CTNNA3: variants seen among roughly 807,000 people sequenced by gnomAD.
CTNNA3 encodes catenin alpha 3, also known as catenin alpha-3.
A neutral mutation model predicts 95.7 loss-of-function variants in CTNNA3; 76 were observed. The observed-to-expected ratio is 0.79, with a 90% CI of 0.66 to 0.96. CTNNA3 has a LOEUF of 0.96. Ranked by LOEUF, CTNNA3 falls within the 40% of genes least tolerant of loss-of-function variation. The pLI is 0.00. For missense variants in CTNNA3, 1,191 were observed against 1,089.8 expected, an observed-to-expected ratio of 1.09 and a Z score of -1.31; for synonymous variants, 431 against 374.4, an observed-to-expected ratio of 1.15 and a Z score of -1.74.
intron 7 of CTNNA3, among the ~76,000 whole-genome samples, chr10:67,145,693 T>A (rs1290602889): frequency 6.6e-6 from 1 of 152,122 alleles, no homozygotes; most frequent in African/African-American, 2.4e-5. Flanking sequence ...CCTCCCAAAG[T>A]GCTGGGATTA....
intron 9 of CTNNA3, among the ~76,000 whole-genome samples, chr10:66,688,404 C>T (rs139392901): frequency 1.4e-3 from 219 of 152,164 alleles, no homozygotes; most frequent in African/African-American, 4.9e-3. Context: ...TTCATCCCAC[C>T]GGATTTTTGC....
intron 7 of CTNNA3, among the ~76,000 whole-genome samples, chr10:67,069,104 A>G (rs1274906382): frequency 2.6e-5 from 4 of 152,038 alleles, no homozygotes; most frequent in Non-Finnish European, 5.9e-5. Context: ...AAGAAAAAGA[A>G]GAAGACAAAA....
chr10:66,844,717 A>G (rs912795005), intron 7 of CTNNA3, among the ~76,000 whole-genome samples: 5 of 152,138 alleles, frequency 3.3e-5, no homozygotes, highest in Admixed American at 6.5e-5. Flanking sequence ...GTTTCTTTTC[A>G]TTACATTACA....
intron 15 of CTNNA3, among the ~76,000 whole-genome samples, chr10:66,030,506 T>C (rs2079429820): frequency 6.6e-6 from 1 of 152,168 alleles, no homozygotes; most frequent in Admixed American, 6.5e-5. Flanking sequence ...TCTATCCGTA[T>C]ACAGAAGAAT....
At chr10:66,913,776 C>T (rs1335560550) in intron 7 of CTNNA3, among the ~76,000 whole-genome samples, 1 of 152,114 alleles carries the variant, frequency 6.6e-6, no homozygotes, top group African/African-American at 2.4e-5. Context: ...GTCTTTACCC[C>T]AAGCAATCAA....
intron 11 of CTNNA3, among the ~76,000 whole-genome samples, chr10:66,505,870 T>C (rs1253566682): frequency 6.6e-6 from 1 of 152,198 alleles, no homozygotes; most frequent in African/African-American, 2.4e-5. Flanking sequence ...ATTTAAAATT[T>C]CAGATGGCTT....
chr10:65,936,528 A>T (rs1170688075), intron 17 of CTNNA3, among the ~76,000 whole-genome samples: 1 of 152,076 alleles, frequency 6.6e-6, no homozygotes, highest in African/African-American at 2.4e-5. Flanking sequence ...TCATACGCTG[A>T]AGAATTCCAC....
intron 7 of CTNNA3, among the ~76,000 whole-genome samples, chr10:67,171,092 C>A (rs972478302): frequency 1.3e-5 from 2 of 152,132 alleles, no homozygotes; most frequent in African/African-American, 4.8e-5. Flanking sequence ...ATTTGGCTCA[C>A]ATATTATTGT....
intron 13 of CTNNA3, among the ~76,000 whole-genome samples, chr10:66,194,924 T>C (rs1193161295): frequency 6.6e-6 from 1 of 152,198 alleles, no homozygotes; most frequent in East Asian, 1.9e-4. Context: ...ATGCAATCAA[T>C]GCAAAGGAAT....
In CTNNA3 at chr10:66,348,896, G is replaced by A. The variant is rs138569708; in HGVS notation, c.1732+30256C>T. Reference sequence around the variant, plus strand: ...TTCTACTGGTACCAGGGGATTTATGGTTTAGGCATAAGATTTAGGCTTGCA... The same window carrying A: ...TTCTACTGGTACCAGGGGATTTATGATTTAGGCATAAGATTTAGGCTTGCA... On this transcript the variant is annotated intron_variant, in intron 12 of 17. Coordinates refer to ENST00000433211, the MANE Select transcript of CTNNA3 (RefSeq NM_013266.4). 9.7e-4 allele frequency among the ~76,000 whole-genome samples: 147 copies of A among 152,146 alleles called. 1 individual carries two copies. The highest frequency in any genetic ancestry group is 3.1e-3 in the African/African-American group (129 of 41,540).
chr10:67,476,918 C>T (rs1439607662), intron 5 of CTNNA3, among the ~76,000 whole-genome samples: 2 of 151,856 alleles, frequency 1.3e-5, no homozygotes, highest in Admixed American at 1.3e-4. Context: ...ATTCAGAGTA[C>T]CTGCTCACCT....
At chr10:67,360,669 T>C (rs1842964906) in intron 5 of CTNNA3, among the ~76,000 whole-genome samples, 1 of 152,182 alleles carries the variant, frequency 6.6e-6, no homozygotes, top group South Asian at 2.1e-4. Context: ...CTTCCAATCA[T>C]GGTGGAAGGC....
chr10:66,741,985 A>C (rs924465936), intron 9 of CTNNA3, among the ~76,000 whole-genome samples: 1 of 152,214 alleles, frequency 6.6e-6, no homozygotes, highest in South Asian at 2.1e-4. Context: ...TGTTTGAACA[A>C]TATGAAATCT....
intron 1 of CTNNA3, among the ~76,000 whole-genome samples, chr10:67,655,688 A>T (rs901937647): frequency 6.6e-6 from 1 of 151,656 alleles, no homozygotes; most frequent in Non-Finnish European, 1.5e-5. Flanking sequence ...CCAGCTACTC[A>T]GGAGGCTGAG....
intron 7 of CTNNA3, among the ~76,000 whole-genome samples, chr10:66,827,865 G>A (rs1050250145): frequency 8.5e-5 from 13 of 152,142 alleles, no homozygotes; most frequent in Middle Eastern, 3.2e-3. Context: ...ACATAAAAGT[G>A]GAGAAAGAAA....
At chr10:66,807,883 G>A (rs890297818) in intron 7 of CTNNA3, among the ~76,000 whole-genome samples, 4 of 151,772 alleles carry the variant, frequency 2.6e-5, no homozygotes, top group African/African-American at 4.8e-5. Context: ...ACTTTGACTC[G>A]GGCTATCAAT....
intron 5 of CTNNA3, among the ~76,000 whole-genome samples, chr10:67,289,222 T>C (rs1200407814): frequency 2.0e-5 from 3 of 152,188 alleles, no homozygotes; most frequent in African/African-American, 4.8e-5. Flanking sequence ...AGTACTGTAC[T>C]ATATGAGTCA....
At position 67,237,173 on chromosome 10, in the gene CTNNA3, T is replaced by TATACAC. The variant is rs1554810783; in HGVS notation, c.580-17304_580-17303insGTGTAT. ...ATATATATATATATATATATATATATACACACACAATGGAATACTACTCAG... is the reference window on the plus strand; with the variant it reads ...ATATATATATATATATATATATATATATACACACACACACAATGGAATACTACTCAG... On this transcript the variant is annotated intron_variant, in intron 5 of 17. Transcript: ENST00000433211. Among the ~76,000 whole-genome samples the TATACAC allele has an allele frequency of 1.6e-4, 18 of 112,816 alleles. No individual in the cohort carries two copies. The South Asian group carries it at 2.3e-3, about 14-fold the overall frequency. 74.0% of individuals were successfully genotyped at this position (112,816 alleles called of 152,430 possible).
chr10:66,339,525 A>G (rs2092431382), intron 12 of CTNNA3, among the ~76,000 whole-genome samples: 1 of 151,866 alleles, frequency 6.6e-6, no homozygotes, highest in South Asian at 2.1e-4. Context: ...AGCTAAAATA[A>G]AAAGATAGAT....
Sources: allele counts gnomAD v4.1 joint callset (sites outside exome capture counted in the v4.1 genomes callset), GRCh38; gene constraint gnomAD v4.1.1; transcripts MANE v1.5; gene names NCBI Gene and HGNC (gene_info 2026-07-23, HGNC 2026-07-21).